Variants in RBMS3 observed in about 807,000 individuals in gnomAD.
RBMS3 encodes the protein RNA binding motif single stranded interacting protein 3.
A neutral mutation model predicts 66.8 loss-of-function variants in RBMS3; 27 were observed. The ratio of observed to expected loss-of-function variants is 0.40; its 90% CI spans 0.30 to 0.56. RBMS3 has a LOEUF of 0.56. RBMS3 is among the 20% of genes least tolerant of loss of function. The probability of loss-of-function intolerance (pLI) is 0.40; values close to 1 mark genes in which losing one functional copy is unlikely to be tolerated. For synonymous variants in RBMS3, 188 were observed against 183.0 expected, an observed-to-expected ratio of 1.03 and a Z score of -0.22; for missense variants, 513 against 549.5, an observed-to-expected ratio of 0.93 and a Z score of 0.66.
chr3:29,471,284 A>C (rs2042716699), intron 2 of RBMS3, among the ~76,000 whole-genome samples: 1 of 152,194 alleles, frequency 6.6e-6, no homozygotes, highest in Non-Finnish European at 1.5e-5. Flanking sequence ...GTCAGTACTC[A>C]GGTAAGAAGT....
chr3:29,439,450 T>C (rs994342085), intron 2 of RBMS3, among the ~76,000 whole-genome samples: 2 of 152,134 alleles, frequency 1.3e-5, no homozygotes, highest in African/African-American at 4.8e-5. Context: ...AGAAAAATTA[T>C]GTGTGGTGAA....
At chr3:29,360,258 G>A (rs111479931) in intron 1 of RBMS3, among the ~76,000 whole-genome samples, 9 of 151,806 alleles carry the variant, frequency 5.9e-5, no homozygotes, top group East Asian at 3.9e-4. Context: ...CTTTGTTCTC[G>A]TTGGTTTCAA....
chr3:29,332,027 A>G (rs529403027), intron 1 of RBMS3, among the ~76,000 whole-genome samples: 2 of 151,216 alleles, frequency 1.3e-5, no homozygotes, highest in Non-Finnish European at 3.0e-5. Flanking sequence ...GGTGTCTTCC[A>G]CTCCACAGCT....
intron 1 of RBMS3, among the ~76,000 whole-genome samples, chr3:29,359,399 A>G (rs2037425232): frequency 6.6e-6 from 1 of 152,296 alleles, no homozygotes; most frequent in Admixed American, 6.5e-5. Flanking sequence ...GATGAAGCCC[A>G]CTTGATCATG....
intron 2 of RBMS3, among the ~76,000 whole-genome samples, chr3:29,476,017 G>C (rs1451630427): frequency 2.6e-5 from 4 of 152,134 alleles, no homozygotes; most frequent in Admixed American, 2.0e-4. Context: ...TCCTAGGTGT[G>C]TTCTTTGTCA....
chr3:29,652,012 G>A (rs1482856189), intron 4 of RBMS3, among the ~76,000 whole-genome samples: 2 of 152,034 alleles, frequency 1.3e-5, no homozygotes, highest in Admixed American at 6.6e-5. Context: ...ACATAAATAT[G>A]TAACTATATT....
At chr3:29,450,878 T>TAACA (rs1230359567) in intron 2 of RBMS3, among the ~76,000 whole-genome samples, 3 of 149,720 alleles carry the variant, frequency 2.0e-5, no homozygotes, top group African/African-American at 7.4e-5. Flanking sequence ...CACCAGCACG[T>TAACA]AACAGTCTAC....
At chr3:29,976,945 G>C (rs146238306) in intron 12 of RBMS3, among the ~76,000 whole-genome samples, 3 of 152,000 alleles carry the variant, frequency 2.0e-5, no homozygotes, top group Admixed American at 6.6e-5. Flanking sequence ...ATATCCCCAA[G>C]CTTTCTTTGT....
chr3:29,404,741 A>G (rs2039943938), intron 1 of RBMS3, among the ~76,000 whole-genome samples: 1 of 152,106 alleles, frequency 6.6e-6, no homozygotes, highest in Non-Finnish European at 1.5e-5. Flanking sequence ...ATTAACAGAG[A>G]TATGAGTGTT....
chr3:29,388,493 G>A (rs1215440994), intron 1 of RBMS3, among the ~76,000 whole-genome samples: 1 of 152,158 alleles, frequency 6.6e-6, no homozygotes, highest in Non-Finnish European at 1.5e-5. Context: ...CCACGTTAAA[G>A]AAACACTGTA....
chr3:29,302,608 T>C (rs1423331584), intron 1 of RBMS3, among the ~76,000 whole-genome samples: 4 of 152,060 alleles, frequency 2.6e-5, no homozygotes, highest in Non-Finnish European at 5.9e-5. Context: ...TCCAGGTATA[T>C]GTAAATATCT....
intron 4 of RBMS3, among the ~76,000 whole-genome samples, chr3:29,652,049 G>C (rs1036458582): frequency 6.6e-6 from 1 of 152,066 alleles, no homozygotes; most frequent in Non-Finnish European, 1.5e-5. Flanking sequence ...GATAACTACT[G>C]ACCATAAAAT....
intron 4 of RBMS3, among the ~76,000 whole-genome samples, chr3:29,631,776 G>C (rs2049290782): frequency 6.6e-6 from 1 of 151,796 alleles, no homozygotes; most frequent in Non-Finnish European, 1.5e-5. Context: ...TGTTTGCAGA[G>C]TACCTTTCAC....
chr3:29,534,267 C>T (rs187245102), intron 3 of RBMS3, among the ~76,000 whole-genome samples: 1 of 152,334 alleles, frequency 6.6e-6, no homozygotes, highest in Non-Finnish European at 1.5e-5. Flanking sequence ...TACTTTGAAA[C>T]TCAATCAGTT....
chr3:29,702,498 C>G (rs1414950547), intron 4 of RBMS3, among the ~76,000 whole-genome samples: 1 of 152,206 alleles, frequency 6.6e-6, no homozygotes. Flanking sequence ...CTCTTTCACT[C>G]TGTGGAAGCT....
At chr3:29,928,674 CT>C (rs925365787) in intron 10 of RBMS3, among the ~76,000 whole-genome samples, 1 of 152,176 alleles carries the variant, frequency 6.6e-6, no homozygotes, top group Non-Finnish European at 1.5e-5. Context: ...CATGTGTCCT[CT>C]AAAATTCTTA....
intron 3 of RBMS3, among the ~76,000 whole-genome samples, chr3:29,539,064 A>G (rs1266177398): frequency 2.6e-5 from 4 of 152,208 alleles, no homozygotes; most frequent in African/African-American, 4.8e-5. Context: ...GAATGAATAT[A>G]ATCACAGAAA....
chr3:29,296,688 A>G (rs1489016685), intron 1 of RBMS3, among the ~76,000 whole-genome samples: 7 of 151,842 alleles, frequency 4.6e-5, no homozygotes, highest in African/African-American at 7.2e-5. Context: ...ATGGGAGATC[A>G]TAAAGTCTCA....
At chr3:29,723,212 G>T (rs1039844189) in intron 4 of RBMS3, among the ~76,000 whole-genome samples, 1 of 152,034 alleles carries the variant, frequency 6.6e-6, no homozygotes, top group African/African-American at 2.4e-5. Flanking sequence ...CTGACCTCAG[G>T]TGATCCACCC....
Sources: allele counts gnomAD v4.1 joint callset (sites outside exome capture counted in the v4.1 genomes callset), GRCh38; gene constraint gnomAD v4.1.1; transcripts MANE v1.5; gene names NCBI Gene and HGNC (gene_info 2026-07-23, HGNC 2026-07-21).